Variants in CACNA1D observed in about 807,000 individuals in gnomAD.
The protein encoded by CACNA1D is calcium voltage-gated channel subunit alpha1 D, also known as voltage-dependent L-type calcium channel subunit alpha-1D.
Under a neutral mutation model 257.1 loss-of-function variants are expected in CACNA1D, and 55 were observed. That is an observed-to-expected ratio of 0.21 (90% CI 0.17 to 0.27). The LOEUF (loss-of-function observed/expected upper bound fraction) is 0.27, where lower values mean the gene tolerates loss of function less well. Ranked by LOEUF, CACNA1D falls within the 10% of genes least tolerant of loss-of-function variation. CACNA1D has a pLI of 1.00. For synonymous variants in CACNA1D, 980 were observed against 1,014.9 expected (o/e 0.97, Z 0.65); for missense variants, 1,876 against 2,784.0 (o/e 0.67, Z 7.34).
chr3:53,549,922 C>T (rs2092494617), intron 3 of CACNA1D, among the ~76,000 whole-genome samples: 1 of 151,902 alleles, frequency 6.6e-6, no homozygotes, highest in Non-Finnish European at 1.5e-5. Flanking sequence ...GATCTTTTTC[C>T]CTTCAAATAC....
chr3:53,582,425 G>T (rs956275230), intron 3 of CACNA1D, among the ~76,000 whole-genome samples: 4 of 152,120 alleles, frequency 2.6e-5, no homozygotes, highest in Non-Finnish European at 4.4e-5. Context: ...TGTGGATCCT[G>T]GGTGGCAGGA....
intron 8 of CACNA1D, among the ~76,000 whole-genome samples, chr3:53,688,319 G>A (rs1343714757): frequency 2.0e-5 from 3 of 152,222 alleles, no homozygotes; most frequent in Non-Finnish European, 2.9e-5. Flanking sequence ...TGTAGTGAGG[G>A]GAGCACAAAG....
intron 3 of CACNA1D, among the ~76,000 whole-genome samples, chr3:53,609,150 C>T (rs930850957): frequency 2.0e-5 from 3 of 152,132 alleles, no homozygotes; most frequent in Admixed American, 2.0e-4. Context: ...GTGGCTCACG[C>T]CTGTAATCCC....
rs2095394681 is a variant in CACNA1D, at chr3:53,775,911, G to A, written c.4228G>A (p.Glu1410Lys). 6.2e-7 allele frequency: 1 copy of A among 1,614,068 alleles called. No homozygotes were observed. The highest frequency in any genetic ancestry group is 1.3e-5 in the African/African-American group (1 of 74,922). ...GTGTGCAACAGGTGAGGCCTGGCAG[G>A]AGATCATGCTGGCCTGTCTCCCAGG... ...FRCATGEAWQEIMLACLPGKL... is the reference protein window; with the variant it reads ...FRCATGEAWQKIMLACLPGKL... Residue 1410 changes from glutamate to lysine, a missense_variant, in exon 35 of 48, where the codon GAG (glutamate) becomes AAG (lysine). Transcript: ENST00000350061.
At chr3:53,592,928 A>T (rs2093325472) in intron 3 of CACNA1D, among the ~76,000 whole-genome samples, 2 of 152,130 alleles carry the variant, frequency 1.3e-5, no homozygotes, top group Non-Finnish European at 2.9e-5. Flanking sequence ...ACCTCAGGTG[A>T]TCTGTCCGCC....
At chr3:53,543,237 C>T (rs937565912) in intron 3 of CACNA1D, among the ~76,000 whole-genome samples, 3 of 152,110 alleles carry the variant, frequency 2.0e-5, no homozygotes, top group African/African-American at 4.8e-5. Flanking sequence ...AAACCAGCCT[C>T]CCCTAACCCT....
At chr3:53,670,502 G>A (rs1375169050) in intron 7 of CACNA1D, among the ~76,000 whole-genome samples, 2 of 151,832 alleles carry the variant, frequency 1.3e-5, no homozygotes, top group East Asian at 1.9e-4. Context: ...TTGCTACCAC[G>A]CCCAGCTAAT....
At chr3:53,796,030 A>AG (rs758497366) in intron 40 of CACNA1D, 9 of 203,144 alleles carry the variant, frequency 4.4e-5, no homozygotes, top group Non-Finnish European at 9.4e-5. Context: ...CCTGGAGGAG[A>AG]GTGGTGACAA....
chr3:53,718,706 G>T, intron 10 of CACNA1D: 1 of 1,559,354 alleles, frequency 6.4e-7, no homozygotes, highest in Non-Finnish European at 8.7e-7. Context: ...GGAGAGGCGC[G>T]GCCAAGGCGG....
Position 53,674,985 on chromosome 3 carries a change from G to A in CACNA1D, c.1220+1859G>A, listed in dbSNP as rs78988726. 8.5e-5 allele frequency among the ~76,000 whole-genome samples: 13 copies of A among 152,316 alleles called. No individual in the cohort carries two copies. In the East Asian group the frequency reaches 2.5e-3, roughly 29 times the overall value. On this transcript the variant is annotated intron_variant, in intron 8 of 47. Coordinates refer to ENST00000350061, the MANE Select transcript of CACNA1D (RefSeq NM_001128840.3). ...GCTGAGTTAGTGAAAGGCTTTAATC[G>A]CATTTTTGGAAACACTGCCTTTTCC...
chr3:53,541,446 G>T (rs1041513560), intron 3 of CACNA1D, among the ~76,000 whole-genome samples: 1 of 152,146 alleles, frequency 6.6e-6, no homozygotes, highest in East Asian at 1.9e-4. Context: ...AGCAAATTTT[G>T]TGGGAGAGCC....
At chr3:53,744,015 A>G (rs770643246) in intron 22 of CACNA1D, among the ~76,000 whole-genome samples, 9 of 152,140 alleles carry the variant, frequency 5.9e-5, no homozygotes, top group Non-Finnish European at 1.0e-4. Flanking sequence ...TTCATGTCCA[A>G]GCTGCAGCCT....
intron 3 of CACNA1D, among the ~76,000 whole-genome samples, chr3:53,526,046 C>T (rs748611534): frequency 6.6e-5 from 10 of 152,210 alleles, no homozygotes; most frequent in South Asian, 2.1e-4. Flanking sequence ...TCTAGGCCTA[C>T]GCCTTTCCAC....
intron 3 of CACNA1D, among the ~76,000 whole-genome samples, chr3:53,568,060 C>T (rs990859224): frequency 1.3e-5 from 2 of 152,136 alleles, no homozygotes; most frequent in African/African-American, 4.8e-5. Flanking sequence ...GAGACGGACA[C>T]ATCAAGGGGC....
At chr3:53,735,640 G>C (rs1239211238) in intron 20 of CACNA1D, 137 bp downstream of exon 20, 3 of 915,378 alleles carry the variant, frequency 3.3e-6, no homozygotes, top group Non-Finnish European at 5.1e-6. Flanking sequence ...GACGTTGGCT[G>C]TTTCCGGTTT....
At chr3:53,624,702 C>T (rs1028170817) in intron 3 of CACNA1D, among the ~76,000 whole-genome samples, 1 of 152,176 alleles carries the variant, frequency 6.6e-6, no homozygotes, top group African/African-American at 2.4e-5. Flanking sequence ...TATGACGCAC[C>T]CCCAAATTCT....
At chr3:53,679,991 A>G (rs1429812272) in intron 8 of CACNA1D, among the ~76,000 whole-genome samples, 1 of 152,176 alleles carries the variant, frequency 6.6e-6, no homozygotes, top group Non-Finnish European at 1.5e-5. Flanking sequence ...ATTTATATAT[A>G]CTTTTGAACA....
At chr3:53,606,284 A>G (rs1013110425) in intron 3 of CACNA1D, among the ~76,000 whole-genome samples, 1 of 152,236 alleles carries the variant, frequency 6.6e-6, no homozygotes, top group Non-Finnish European at 1.5e-5. Flanking sequence ...GAGCCAAAGT[A>G]CAGAAACCCC....
chr3:53,808,860 ACC>A, intron 46 of CACNA1D, 90 bp downstream of exon 46: 1 of 1,340,462 alleles, frequency 7.5e-7, no homozygotes, highest in Non-Finnish European at 1.0e-6. Context: ...GGCCTTAAGC[ACC>A]AGGAGGGAAG....
Sources: gnomAD v4.1 joint callset for allele counts (sites outside exome capture counted in the v4.1 genomes callset) on GRCh38, gnomAD v4.1.1 for gene constraint, MANE v1.5 for transcripts, NCBI Gene and HGNC (gene_info 2026-07-23, HGNC 2026-07-21) for gene names.